The following TEC variants were observed in gnomAD, a reference collection of about 807,000 sequenced individuals.
TEC encodes the protein tec protein tyrosine kinase.
In TEC, 72 loss-of-function variants were observed where a neutral mutation model predicts 93.0. That is an observed-to-expected ratio of 0.77 (90% CI 0.64 to 0.94). The LOEUF (loss-of-function observed/expected upper bound fraction) is 0.94. Ranked by LOEUF, TEC falls within the 40% of genes least tolerant of loss-of-function variation. The probability of loss-of-function intolerance (pLI) is 0.00; values close to 1 mark genes in which losing one functional copy is unlikely to be tolerated. For synonymous variants in TEC, 249 were observed against 247.7 expected (o/e 1.01, Z -0.05); for missense variants, 630 against 757.9 (o/e 0.83, Z 1.98).
intron 11 of TEC, among the ~76,000 whole-genome samples, chr4:48,146,852 G>T (rs1031212212): frequency 3.3e-5 from 5 of 151,386 alleles, no homozygotes; most frequent in Admixed American, 6.6e-5. Context: ...GTCGCATACA[G>T]CACTAAATAA....
rs184660155 is a variant in TEC, at chr4:48,173,407, G to T, written c.244-1958C>A. On this transcript the variant is annotated intron_variant, in intron 3 of 17. Transcript: ENST00000381501. ...TTTGTATTTCTACGAGAAGTTTCTA[G>T]GAATAGCACCCTGTTTTGGCATCTC... Among the ~76,000 whole-genome samples the T allele has an allele frequency of 2.5e-3, 382 of 150,958 alleles. 7 individuals are homozygous for T. Among genetic ancestry groups the T allele is most frequent in the Admixed American group, 0.024 (362 of 15,122 alleles).
chr4:48,189,813 G>A (rs1032513933), intron 2 of TEC, among the ~76,000 whole-genome samples: 1 of 152,184 alleles, frequency 6.6e-6, no homozygotes, highest in African/African-American at 2.4e-5. Flanking sequence ...GCTGTCCTAT[G>A]GTTTACGCAT....
intron 7 of TEC, among the ~76,000 whole-genome samples, chr4:48,164,917 C>G (rs1245918891): frequency 6.6e-6 from 1 of 152,056 alleles, no homozygotes; most frequent in Non-Finnish European, 1.5e-5. Context: ...GCACAAGAAT[C>G]ACTTGAACCT....
chr4:48,144,919 G>A (rs987600212), intron 14 of TEC, among the ~76,000 whole-genome samples, 160 bp downstream of exon 14: 4 of 152,170 alleles, frequency 2.6e-5, no homozygotes, highest in African/African-American at 7.2e-5. Flanking sequence ...AAGATCTTTC[G>A]TTTAAAATTA....
intron 1 of TEC, among the ~76,000 whole-genome samples, chr4:48,236,427 G>A (rs1172470381): frequency 6.6e-5 from 10 of 151,376 alleles, no homozygotes; most frequent in African/African-American, 1.9e-4. Flanking sequence ...GACTACAGGC[G>A]CCCGCCACTA....
chr4:48,232,678 G>C (rs1034676394), intron 1 of TEC, among the ~76,000 whole-genome samples: 1 of 152,220 alleles, frequency 6.6e-6, no homozygotes, highest in African/African-American at 2.4e-5. Flanking sequence ...CTTCACATTG[G>C]CTCCTTCCTG....
intron 9 of TEC, among the ~76,000 whole-genome samples, chr4:48,152,957 T>G (rs1577703473): frequency 6.6e-6 from 1 of 152,266 alleles, no homozygotes; most frequent in African/African-American, 2.4e-5. Flanking sequence ...TGCAGAGAAT[T>G]GTAGAGATCA....
intron 14 of TEC, among the ~76,000 whole-genome samples, chr4:48,141,992 T>C (rs979784861): frequency 3.0e-4 from 45 of 152,212 alleles, no homozygotes; most frequent in Non-Finnish European, 2.9e-4. Flanking sequence ...AAGGGTCAAC[T>C]CACTTTTCTC....
At chr4:48,199,455 CTTTTTTTTTTTTTTTTT>C (rs34965891) in intron 2 of TEC, among the ~76,000 whole-genome samples, 6 of 67,360 alleles carry the variant, frequency 8.9e-5, no homozygotes, top group African/African-American at 3.7e-4. Flanking sequence ...GATTTTCTTT[CTTTTTTTTTTTTTTTTT>C]TTTTTTTTTT....
chr4:48,163,754 T>C lies in TEC; in HGVS notation c.685A>G (p.Ile229Val). 6.7e-7 allele frequency: 1 copy of C among 1,494,884 alleles called. No homozygotes were observed. The highest frequency in any genetic ancestry group is 2.0e-5 in the Admixed American group (1 of 50,488). 92.6% of individuals were successfully genotyped at this position (1,494,884 alleles called of 1,614,324 possible). The part of the protein sequence containing the change: ...ARDKYGNEGY[I>V]PSNYVTGKKS... ...TTTCCCGTTACGTAATTACTTGGGA[T>C]ATATCCTTCATTCCTAGAAATAAGA... The change falls in exon 8 of 18, where the codon ATC (isoleucine) becomes GTC (valine). Residue 229 changes from isoleucine to valine, a missense_variant. Coordinates refer to ENST00000381501, the MANE Select transcript of TEC (RefSeq NM_003215.3).
chr4:48,179,354 A>T (rs866176373), intron 2 of TEC, among the ~76,000 whole-genome samples: 5 of 32,216 alleles, frequency 1.6e-4, no homozygotes, highest in Admixed American at 3.3e-4. Context: ...ATATATATAT[A>T]TATATATATA....
At chr4:48,228,383 C>A in intron 2 of TEC, 94 bp downstream of exon 2, 3 of 1,349,162 alleles carry the variant, frequency 2.2e-6, no homozygotes, top group East Asian at 2.6e-5. Flanking sequence ...CTTCATTAAC[C>A]CAAAGCATTT....
intron 1 of TEC, among the ~76,000 whole-genome samples, chr4:48,252,353 G>A (rs1724226044): frequency 1.3e-5 from 2 of 152,314 alleles, no homozygotes; most frequent in Admixed American, 1.3e-4. Context: ...ATTGGCAAAG[G>A]CCATAGTATC....
At chr4:48,154,324 G>A (rs778446241) in intron 9 of TEC, among the ~76,000 whole-genome samples, 1 of 152,202 alleles carries the variant, frequency 6.6e-6, no homozygotes, top group Non-Finnish European at 1.5e-5. Flanking sequence ...GGTTTAGGTT[G>A]TCTCTGATTA....
At position 48,167,900 on chromosome 4, in the gene TEC, G is replaced by A. The variant is rs574810323; in HGVS notation, c.549C>T (p.Ile183=). 26 of 1,613,758 alleles carry A rather than the reference G, an allele frequency of 1.6e-5. No homozygotes were observed. Among genetic ancestry groups the A allele is most frequent in the Non-Finnish European group, 2.0e-5 (24 of 1,179,890 alleles). ...CTTGGAAATCATACATGGCTACAAC[G>A]ATTTCTTCACTATTATCTTCTTCTT... ...PLEEEDNSEE[I]VVAMYDFQAA... Residue 183 remains isoleucine, a synonymous_variant, in exon 7 of 18, where the codon ATC becomes ATT. Coordinates refer to ENST00000381501, the MANE Select transcript of TEC (RefSeq NM_003215.3).
chr4:48,151,554 T>C (rs990813856), intron 9 of TEC, among the ~76,000 whole-genome samples: 1 of 152,206 alleles, frequency 6.6e-6, no homozygotes, highest in African/African-American at 2.4e-5. Flanking sequence ...TGGTGCGATC[T>C]CAGCTCACTG....
At chr4:48,237,000 T>C (rs1045811458) in intron 1 of TEC, among the ~76,000 whole-genome samples, 1 of 152,174 alleles carries the variant, frequency 6.6e-6, no homozygotes, top group Admixed American at 6.5e-5. Flanking sequence ...CCCACAAATA[T>C]GTACAATTAT....
chr4:48,263,349 C>T (rs369394041), intron 1 of TEC, among the ~76,000 whole-genome samples: 1 of 152,300 alleles, frequency 6.6e-6, no homozygotes, highest in Admixed American at 6.5e-5. Flanking sequence ...AGAAGCTGCA[C>T]TTCACTGAAA....
intron 11 of TEC, 58 bp downstream of exon 11, chr4:48,149,499 T>G: frequency 6.8e-7 from 1 of 1,470,234 alleles, no homozygotes; most frequent in South Asian, 1.4e-5. Flanking sequence ...TTAATCACAG[T>G]ATCTGATCAT....
Sources: gnomAD v4.1 joint callset for allele counts (sites outside exome capture counted in the v4.1 genomes callset) on GRCh38, gnomAD v4.1.1 for gene constraint, MANE v1.5 for transcripts, NCBI Gene and HGNC (gene_info 2026-07-23, HGNC 2026-07-21) for gene names.